The following ZNF678 variants were observed in gnomAD, a reference collection of about 807,000 sequenced individuals.
ZNF678 encodes zinc finger protein 678, also known as hypothetical protein MGC42493.
Under a neutral mutation model 3.0 loss-of-function variants are expected in ZNF678, and 5 were observed. That is an observed-to-expected ratio of 1.69 (90% CI 0.88 to 3.56). The LOEUF (loss-of-function observed/expected upper bound fraction) is 3.56. ZNF678 is among the 30% of genes most tolerant of loss of function. ZNF678 has a pLI of 0.00. For synonymous variants in ZNF678, 218 were observed against 199.6 expected (o/e 1.09, Z -0.78); for missense variants, 593 against 605.0 (o/e 0.98, Z 0.21).
intron 1 of ZNF678, among the ~76,000 whole-genome samples, chr1:227,578,912 G>T (rs551106733): frequency 6.6e-6 from 1 of 152,066 alleles, no homozygotes; most frequent in Non-Finnish European, 1.5e-5. Context: ...CTTTGGATGC[G>T]CTTTCTTCTT....
chr1:227,637,988 G>C (rs1194704093), intron 1 of ZNF678, among the ~76,000 whole-genome samples: 2 of 152,144 alleles, frequency 1.3e-5, no homozygotes, highest in African/African-American at 4.8e-5. Context: ...GGGTGTCGAA[G>C]TCTCTTTGGG....
chr1:227,612,652 A>G (rs963092434), intron 1 of ZNF678, among the ~76,000 whole-genome samples: 2 of 152,258 alleles, frequency 1.3e-5, no homozygotes, highest in Middle Eastern at 3.4e-3. Context: ...ATCAACTTGG[A>G]TTTTATTGTG....
intron 1 of ZNF678, among the ~76,000 whole-genome samples, chr1:227,596,876 A>T (rs1324391336): frequency 6.6e-6 from 1 of 152,220 alleles, no homozygotes; most frequent in Non-Finnish European, 1.5e-5. Context: ...TACTTAATAA[A>T]AATGAAAAAA....
Position 227,638,822 on chromosome 1 carries a change from G to A in ZNF678, c.-163-7722G>A, listed in dbSNP as rs958221041. ...GCAGAAGAGTGGAGCAGGGGCTTGG[G>A]GTTTGGAGAGTTGTCCATCAATTCC... is the stretch of plus-strand genomic sequence containing the variant. On this transcript the variant is annotated intron_variant, in intron 1 of 3. Coordinates refer to ENST00000343776, the MANE Select transcript of ZNF678 (RefSeq NM_001367909.1). This position sits in a 1 kb window ranked among gnomAD's most constrained non-coding sequence, Gnocchi z 4.2. Among the ~76,000 whole-genome samples the A allele has an allele frequency of 1.3e-5, 2 of 151,742 alleles. No homozygotes were observed. The highest frequency in any genetic ancestry group is 2.4e-5 in the African/African-American group (1 of 41,226).
chr1:227,573,148 A>G (rs941997321), intron 1 of ZNF678, among the ~76,000 whole-genome samples: 4 of 152,260 alleles, frequency 2.6e-5, no homozygotes, highest in African/African-American at 9.6e-5. Context: ...TCCAACTCAC[A>G]CACATGGTTA....
rs1659401744 is a variant in ZNF678, at chr1:227,661,366, C to T, written c.*5538C>T. 1 of 151,754 alleles carries T rather than the reference C, an allele frequency of 6.6e-6. No individual in the cohort carries two copies. The highest frequency in any genetic ancestry group is 2.4e-5 in the African/African-American group (1 of 41,282). The allele number at this position is 151,754 out of a possible 1,614,324, so 9.4% of individuals were successfully genotyped here. ...GTTTTGTCTATGTCAAGAACAAAGA[C>T]CAGGCAAAAGAAATGTCAAGCCGCA... On this transcript the variant is annotated 3_prime_UTR_variant, in exon 4 of 4. Coordinates refer to ENST00000343776, the MANE Select transcript of ZNF678 (RefSeq NM_001367909.1).
intron 5 of ZNF678, among the ~76,000 whole-genome samples, chr1:227,675,389 T>TA (rs1310432748): frequency 6.6e-6 from 1 of 152,180 alleles, no homozygotes; most frequent in Non-Finnish European, 1.5e-5. Context: ...GCCACCAAGT[T>TA]ATGGTCTTTT....
At chr1:227,588,178 C>CA (rs1657311656) in intron 1 of ZNF678, among the ~76,000 whole-genome samples, 2 of 152,174 alleles carry the variant, frequency 1.3e-5, no homozygotes, top group African/African-American at 4.8e-5. Flanking sequence ...CTTTTTATGG[C>CA]TGCATAGTAT....
In ZNF678 at chr1:227,654,608, A is replaced by G. The variant is rs199741136; in HGVS notation, c.358A>G (p.Thr120Ala). 22 of 1,613,190 alleles carry G rather than the reference A, an allele frequency of 1.4e-5. No individual in the cohort carries two copies. The African/African-American group carries it at 2.1e-4, about 16-fold the overall frequency. Residue 120 changes from threonine (T) to alanine (A), a missense_variant, in exon 4 of 4, where the codon ACT (threonine) becomes GCT (alanine). Transcript: ENST00000343776. The part of the protein sequence containing the change: ...SILTEHKRIH[T>A]GEKPYKCEEC... ...CCTTACTGAACATAAGAGAATTCAT[A>G]CTGGAGAGAAGCCATACAAATGTGA...
chr1:227,672,064 A>C (rs929179968), intron 5 of ZNF678, among the ~76,000 whole-genome samples: 1 of 152,226 alleles, frequency 6.6e-6, no homozygotes, highest in Non-Finnish European at 1.5e-5. Flanking sequence ...TGGAGTAAAA[A>C]GTGTACAGAG....
intron 1 of ZNF678, among the ~76,000 whole-genome samples, chr1:227,591,873 C>T (rs1285389637): frequency 6.6e-6 from 1 of 152,150 alleles, no homozygotes; most frequent in Non-Finnish European, 1.5e-5. Context: ...CAGTTGAAGT[C>T]CTTACTGTAC....
chr1:227,642,526 G>C (rs1441994192), intron 1 of ZNF678, among the ~76,000 whole-genome samples: 1 of 152,106 alleles, frequency 6.6e-6, no homozygotes, highest in Admixed American at 6.5e-5. Context: ...TCTTACCCAA[G>C]AGTTAGCTGA....
At chr1:227,589,689 G>A (rs1299570188) in intron 1 of ZNF678, among the ~76,000 whole-genome samples, 1 of 151,734 alleles carries the variant, frequency 6.6e-6, no homozygotes, top group Non-Finnish European at 1.5e-5. Context: ...TAATCAGAAC[G>A]AAACATAACA....
intron 1 of ZNF678, among the ~76,000 whole-genome samples, chr1:227,634,867 A>G (rs1158836170): frequency 6.6e-6 from 1 of 152,136 alleles, no homozygotes; most frequent in Non-Finnish European, 1.5e-5. Flanking sequence ...CTTTGAGAAA[A>G]CATAGGTGGT....
At chr1:227,567,095 T>A (rs1034403911) in intron 1 of ZNF678, among the ~76,000 whole-genome samples, 4 of 152,210 alleles carry the variant, frequency 2.6e-5, no homozygotes, top group African/African-American at 7.2e-5. Flanking sequence ...GACATCCAAA[T>A]TCAATGCTAA....
Position 227,655,247 on chromosome 1 carries a change from T to C in ZNF678, c.997T>C (p.Cys333Arg). Residue 333 changes from cysteine to arginine, a missense_variant, in exon 4 of 4, where the codon TGT becomes CGT. By Grantham distance (180) the Cys-to-Arg change is radical (BLOSUM62 -3). Coordinates refer to ENST00000343776, the MANE Select transcript of ZNF678 (RefSeq NM_001367909.1). ...AGAATGTGGCAAAACTTTTAATCGG[T>C]GTTCACACCTAAGTAGCCATAAGAG... ...CEECGKTFNR[C>R]SHLSSHKRIH... 1 of 1,612,520 alleles carries C rather than the reference T, an allele frequency of 6.2e-7. No individual in the cohort carries two copies.
chr1:227,648,841 C>CA (rs1395071527), intron 2 of ZNF678, among the ~76,000 whole-genome samples: 3 of 149,456 alleles, frequency 2.0e-5, no homozygotes, highest in Non-Finnish European at 4.5e-5. Context: ...CAAAAAAAAA[C>CA]AAAAAAACTG....
chr1:227,590,364 T>C (rs1657379874), intron 1 of ZNF678, among the ~76,000 whole-genome samples: 1 of 151,758 alleles, frequency 6.6e-6, no homozygotes, highest in South Asian at 2.1e-4. Context: ...TCAGTTTATT[T>C]TGATAGATAA....
chr1:227,625,763 T>A (rs1658396600), intron 1 of ZNF678, among the ~76,000 whole-genome samples: 1 of 152,042 alleles, frequency 6.6e-6, no homozygotes, highest in Non-Finnish European at 1.5e-5. Context: ...CCTGGTCAGT[T>A]GGGAGATTGC....
Sources: allele counts gnomAD v4.1 joint callset (sites outside exome capture counted in the v4.1 genomes callset), GRCh38; gene constraint gnomAD v4.1.1; non-coding constraint Gnocchi (gnomAD v3.1); transcripts MANE v1.5; gene names NCBI Gene and HGNC (gene_info 2026-07-23, HGNC 2026-07-21).